Variants in WWOX observed in about 807,000 individuals in gnomAD.
WWOX encodes WW domain-containing oxidoreductase.
A neutral mutation model predicts 46.2 loss-of-function variants in WWOX; 69 were observed. That is an observed-to-expected ratio of 1.49 (90% CI 1.23 to 1.82). The LOEUF (loss-of-function observed/expected upper bound fraction) is 1.82. Ranked by LOEUF, WWOX falls within the 40% of genes most tolerant of loss-of-function variation. The probability of loss-of-function intolerance (pLI) is 0.00; values close to 1 mark genes in which losing one functional copy is unlikely to be tolerated. For missense variants in WWOX, 919 were observed against 542.6 expected (o/e 1.69, Z -6.89); for synonymous variants, 359 against 202.6 (o/e 1.77, Z -6.56).
chr16:78,768,666 A>G (rs1278380049), intron 8 of WWOX, among the ~76,000 whole-genome samples: 1 of 151,732 alleles, frequency 6.6e-6, no homozygotes, highest in Non-Finnish European at 1.5e-5. Flanking sequence ...AGAGGTTGTG[A>G]AATTAACTCT....
At chr16:78,500,571 G>C (rs1428914292) in intron 8 of WWOX, among the ~76,000 whole-genome samples, 1 of 152,062 alleles carries the variant, frequency 6.6e-6, no homozygotes, top group Admixed American at 6.5e-5. Context: ...CCTGGCTGAG[G>C]CTCCAACAGC....
At chr16:78,930,374 C>G (rs1312941623) in intron 8 of WWOX, among the ~76,000 whole-genome samples, 1 of 150,884 alleles carries the variant, frequency 6.6e-6, no homozygotes, top group South Asian at 2.1e-4. Flanking sequence ...ACCTCCTGGG[C>G]TCAGGCGATC....
chr16:78,463,697 C>T (rs1555544580), intron 8 of WWOX, among the ~76,000 whole-genome samples: 1 of 152,180 alleles, frequency 6.6e-6, no homozygotes, highest in Non-Finnish European at 1.5e-5. Context: ...GATACTCTGT[C>T]ATCTGGCTCT....
At position 78,099,876 on chromosome 16, in the gene WWOX, A is replaced by T; in HGVS notation, c.98A>T (p.Tyr33Phe). The T allele has an allele frequency of 6.4e-7, 1 of 1,568,540 alleles. No individual in the cohort carries two copies. The highest frequency in any genetic ancestry group is 8.6e-7 in the Non-Finnish European group (1 of 1,157,706). The change falls in exon 1 of 9, where the codon TAC (tyrosine) becomes TTC (phenylalanine). Residue 33 changes from tyrosine to phenylalanine, a missense_variant. By Grantham distance (22) the Tyr-to-Phe change is conservative. Coordinates refer to ENST00000566780, the MANE Select transcript of WWOX (RefSeq NM_016373.4). ...AGAACCACCAAGGACGGCTGGGTTTACTACGCCAAGTAAGGGGGCCGCAGT... is the reference window on the plus strand; with the variant it reads ...AGAACCACCAAGGACGGCTGGGTTTTCTACGCCAAGTAAGGGGGCCGCAGT... Reference protein sequence around the residue: ...EERTTKDGWVYYANHTEEKTQ... With the variant: ...EERTTKDGWVFYANHTEEKTQ...
intron 8 of WWOX, among the ~76,000 whole-genome samples, chr16:79,099,311 A>G (rs886471096): frequency 2.0e-5 from 3 of 152,220 alleles, no homozygotes; most frequent in East Asian, 3.9e-4. Context: ...GATCCAAACC[A>G]TAGTGACTAT....
chr16:78,598,720 G>A (rs991704313), intron 8 of WWOX, among the ~76,000 whole-genome samples: 8 of 152,316 alleles, frequency 5.3e-5, no homozygotes, highest in African/African-American at 1.9e-4. Flanking sequence ...GAGTTAATAT[G>A]CCAGTGACTA....
chr16:79,160,797 ATATATG>A (rs1191420076), intron 8 of WWOX, among the ~76,000 whole-genome samples: 1 of 152,224 alleles, frequency 6.6e-6, no homozygotes, highest in Non-Finnish European at 1.5e-5. Flanking sequence ...CTGTGTGTAC[ATATATG>A]TATATGTTCT....
chr16:78,926,205 C>G (rs780648935), intron 8 of WWOX, among the ~76,000 whole-genome samples: 7 of 151,930 alleles, frequency 4.6e-5, no homozygotes, highest in African/African-American at 7.2e-5. Context: ...AAAACCTTAC[C>G]TCTCAAAAAT....
At chr16:78,973,071 G>T (rs566684992) in intron 8 of WWOX, among the ~76,000 whole-genome samples, 19 of 152,322 alleles carry the variant, frequency 1.2e-4, no homozygotes, top group African/African-American at 4.3e-4. Context: ...TTAAACAGCT[G>T]TCAGCATTGT....
chr16:78,313,676 C>T (rs1319318155), intron 5 of WWOX, among the ~76,000 whole-genome samples: 1 of 152,080 alleles, frequency 6.6e-6, no homozygotes, highest in African/African-American at 2.4e-5. Context: ...TATTGTTTTT[C>T]CTACGTACCG....
At chr16:78,166,566 T>TC (rs2034981428) in intron 5 of WWOX, among the ~76,000 whole-genome samples, 4 of 147,498 alleles carry the variant, frequency 2.7e-5, no homozygotes, top group East Asian at 2.1e-4. Context: ...TTTTCTTTTT[T>TC]ATTTTTTTTT....
rs554343208 is a variant in WWOX at position 78,446,819 on chromosome 16, C to G, written c.1056+14067C>G. ...GGGATTACAGGCATGTGCTACTACC[C>G]CCGGCAAACTTTTATATTTTTAGTA... On this transcript the variant is annotated intron_variant, in intron 8 of 8. Transcript: ENST00000566780. Among the ~76,000 whole-genome samples the G allele has an allele frequency of 2.6e-5, 4 of 151,914 alleles. No individual in the cohort carries two copies. In the South Asian group the frequency reaches 8.3e-4, roughly 32 times the overall value.
intron 8 of WWOX, among the ~76,000 whole-genome samples, chr16:78,616,242 A>T (rs1215820038): frequency 1.3e-5 from 2 of 151,950 alleles, no homozygotes; most frequent in East Asian, 3.9e-4. Context: ...TTATATAAGC[A>T]AGTAGGATGT....
intron 5 of WWOX, among the ~76,000 whole-genome samples, chr16:78,290,192 C>G (rs945197954): frequency 2.6e-5 from 4 of 152,086 alleles, no homozygotes; most frequent in African/African-American, 9.7e-5. Flanking sequence ...TGGAATTGGT[C>G]AAACAAAACT....
intron 8 of WWOX, among the ~76,000 whole-genome samples, chr16:79,001,437 A>T (rs1308911767): frequency 2.0e-5 from 3 of 152,154 alleles, no homozygotes; most frequent in Admixed American, 1.3e-4. Flanking sequence ...GTGAAGCCAG[A>T]TATTGGTGCC....
intron 8 of WWOX, among the ~76,000 whole-genome samples, chr16:78,803,702 T>A (rs937741232): frequency 6.6e-6 from 1 of 152,096 alleles, no homozygotes; most frequent in Admixed American, 6.6e-5. Context: ...CAAGCAGTCT[T>A]CCCACCCTGG....
intron 8 of WWOX, among the ~76,000 whole-genome samples, chr16:78,640,505 G>A (rs1306811068): frequency 6.6e-6 from 1 of 151,956 alleles, no homozygotes; most frequent in African/African-American, 2.4e-5. Flanking sequence ...ATGAAGCAGG[G>A]GTTTGCATCC....
At chr16:78,882,599 CCGAG>C (rs1418447240) in intron 8 of WWOX, among the ~76,000 whole-genome samples, 2 of 32,868 alleles carry the variant, frequency 6.1e-5, no homozygotes, top group African/African-American at 1.5e-4. Flanking sequence ...TCCTCGCCTC[CCGAG>C]TAGCCTCCCG....
chr16:78,360,707 A>G (rs1324995717), intron 5 of WWOX, among the ~76,000 whole-genome samples: 1 of 42,034 alleles, frequency 2.4e-5, no homozygotes, highest in African/African-American at 6.2e-5. Flanking sequence ...ATGGTGCTAA[A>G]TATTAACTAT....
Sources: gnomAD v4.1 joint callset for allele counts (sites outside exome capture counted in the v4.1 genomes callset) on GRCh38, gnomAD v4.1.1 for gene constraint, MANE v1.5 for transcripts, NCBI Gene and HGNC (gene_info 2026-07-23, HGNC 2026-07-21) for gene names.